Variants in PPP1R12B observed in about 807,000 individuals in gnomAD.
The protein encoded by PPP1R12B is myosin phosphatase target subunit 2.
PPP1R12B carries 76 observed loss-of-function variants against 126.1 expected under a neutral mutation model. The observed-to-expected ratio is 0.60, with a 90% CI of 0.50 to 0.73. PPP1R12B has a LOEUF of 0.73. PPP1R12B is among the 30% of genes least tolerant of loss of function. The pLI, the probability that PPP1R12B is intolerant of heterozygous loss-of-function variation, is 0.00. For synonymous variants in PPP1R12B, 356 were observed against 434.7 expected, an observed-to-expected ratio of 0.82 and a Z score of 2.25; for missense variants, 1,052 against 1,205.1, an observed-to-expected ratio of 0.87 and a Z score of 1.88.
chr1:202,380,121 C>T (rs888546376), intron 1 of PPP1R12B, among the ~76,000 whole-genome samples: 13 of 150,864 alleles, frequency 8.6e-5, no homozygotes, highest in African/African-American at 2.0e-4. Flanking sequence ...TTGTTCATAC[C>T]GTTCTCTTTG....
chr1:202,403,938 C>A (rs374227316), intron 1 of PPP1R12B, among the ~76,000 whole-genome samples: 9 of 152,174 alleles, frequency 5.9e-5, no homozygotes, highest in African/African-American at 2.2e-4. Context: ...CTTCTCAAAT[C>A]CATGTCCTCC....
chr1:202,457,725 A>G (rs1031565220), intron 13 of PPP1R12B, among the ~76,000 whole-genome samples: 45 of 152,170 alleles, frequency 3.0e-4, no homozygotes, highest in African/African-American at 1.1e-3. Context: ...ATTAGATTGA[A>G]TAGGGTGACA....
intron 13 of PPP1R12B, among the ~76,000 whole-genome samples, chr1:202,472,531 A>G (rs914690784): frequency 1.3e-5 from 2 of 152,234 alleles, no homozygotes; most frequent in African/African-American, 4.8e-5. Flanking sequence ...TGACCAGTGA[A>G]CTAACTGTAG....
chr1:202,362,156 A>G (rs1658332531), intron 1 of PPP1R12B, among the ~76,000 whole-genome samples: 2 of 150,972 alleles, frequency 1.3e-5, no homozygotes, highest in Admixed American at 1.3e-4. Context: ...TGGTTGGTCT[A>G]GCGATGAAAT....
intron 13 of PPP1R12B, among the ~76,000 whole-genome samples, chr1:202,449,921 C>T (rs372385377): frequency 2.6e-5 from 4 of 152,064 alleles, no homozygotes; most frequent in Non-Finnish European, 4.4e-5. Context: ...GTCCTGACCT[C>T]GTGATCCGCC....
chr1:202,456,468 T>C (rs1325229280), intron 13 of PPP1R12B, among the ~76,000 whole-genome samples: 1 of 152,078 alleles, frequency 6.6e-6, no homozygotes, highest in Non-Finnish European at 1.5e-5. Flanking sequence ...GCCAGAGTAG[T>C]TTGAGTGACC....
Position 202,449,031 on chromosome 1 carries a change from A to G in PPP1R12B, c.1710A>G (p.Thr570=), listed in dbSNP as rs780606934. 3 of 1,613,928 alleles carry G rather than the reference A, an allele frequency of 1.9e-6. No individual in the cohort carries two copies. Among genetic ancestry groups the G allele is most frequent in the Non-Finnish European group, 2.5e-6 (3 of 1,179,858 alleles). The change falls in exon 13 of 24, where the codon ACA becomes ACG. Residue 570 remains threonine (T), a synonymous_variant. Transcript: ENST00000608999. ...KSQADTTAEK[T]ADNVSSSTPL... is the part of the protein sequence containing the mutation. ...AGGCCGACACAACAGCAGAGAAAACAGCAGACAATGTCTCTTCTAGCACCC... is the reference window on the plus strand; with the variant it reads ...AGGCCGACACAACAGCAGAGAAAACGGCAGACAATGTCTCTTCTAGCACCC...
At chr1:202,379,008 C>T (rs1271495374) in intron 1 of PPP1R12B, among the ~76,000 whole-genome samples, 1 of 152,080 alleles carries the variant, frequency 6.6e-6, no homozygotes, top group South Asian at 2.1e-4. Flanking sequence ...TCTTTGTAAC[C>T]TTACCCACTC....
intron 18 of PPP1R12B, among the ~76,000 whole-genome samples, chr1:202,523,423 G>A (rs1682982679): frequency 6.6e-6 from 1 of 152,210 alleles, no homozygotes; most frequent in Admixed American, 6.5e-5. Flanking sequence ...GAGATTTAAA[G>A]AAGCAGAAGG....
chr1:202,537,111 G>A (rs1684621201), intron 18 of PPP1R12B, among the ~76,000 whole-genome samples: 1 of 152,204 alleles, frequency 6.6e-6, no homozygotes. Context: ...CACCTTGGGA[G>A]GCTGAGACGG....
chr1:202,541,465 A>G (rs1468396683), intron 18 of PPP1R12B, among the ~76,000 whole-genome samples: 2 of 152,204 alleles, frequency 1.3e-5, no homozygotes, highest in East Asian at 1.9e-4. Context: ...TCTTCAACAC[A>G]TAGACTGGTA....
Position 202,580,544 on chromosome 1 carries a change from G to T in PPP1R12B, c.2933G>T (p.Ser978Ile). The T allele has an allele frequency of 6.2e-7, 1 of 1,613,540 alleles. No homozygotes were observed. Among genetic ancestry groups the T allele is most frequent in the Non-Finnish European group, 8.5e-7 (1 of 1,179,446 alleles). ...DENGALIRVI[S>I]KLSK Reference sequence around the variant, plus strand: ...AATGGTGCCCTCATCAGAGTCATCAGCAAACTGTCCAAGTAGGCTAGGCTC... The same window carrying T: ...AATGGTGCCCTCATCAGAGTCATCATCAAACTGTCCAAGTAGGCTAGGCTC... Residue 978 changes from serine to isoleucine, a missense_variant, in exon 24 of 24, where the codon AGC (serine) becomes ATC (isoleucine). Ser to Ile is a moderately radical substitution (Grantham distance 142, BLOSUM62 -2). Transcript: ENST00000608999.
At chr1:202,483,019 G>C (rs61821743) in intron 13 of PPP1R12B, among the ~76,000 whole-genome samples, 4,093 of 152,256 alleles carry the variant, frequency 0.027, 78 homozygotes, top group South Asian at 0.052. Flanking sequence ...CCTAATGTGT[G>C]TTCTTGGCAC....
chr1:202,383,005 C>T (rs1353093424), intron 1 of PPP1R12B, among the ~76,000 whole-genome samples: 4 of 152,044 alleles, frequency 2.6e-5, no homozygotes, highest in Non-Finnish European at 5.9e-5. Context: ...AGACTGGTTT[C>T]ATTATGTAGA....
At chr1:202,425,214 G>A (rs551646161) in intron 3 of PPP1R12B, among the ~76,000 whole-genome samples, 161 of 152,278 alleles carry the variant, frequency 1.1e-3, no homozygotes, top group Middle Eastern at 6.8e-3. Context: ...GGATTGTTGG[G>A]AAACTAAAGT....
chr1:202,436,218 A>ATT (rs1231135996), intron 9 of PPP1R12B, among the ~76,000 whole-genome samples: 60 of 152,160 alleles, frequency 3.9e-4, no homozygotes, highest in African/African-American at 1.3e-3. Context: ...GTGAGCTGTG[A>ATT]TTGCACCATT....
intron 1 of PPP1R12B, among the ~76,000 whole-genome samples, chr1:202,393,318 T>G (rs1322889798): frequency 6.6e-6 from 1 of 152,108 alleles, no homozygotes; most frequent in African/African-American, 2.4e-5. Context: ...TGTTTTAACA[T>G]TAAAAAAAAT....
chr1:202,377,671 G>A (rs1417845080), intron 1 of PPP1R12B, among the ~76,000 whole-genome samples: 3 of 152,038 alleles, frequency 2.0e-5, no homozygotes, highest in Middle Eastern at 3.4e-3. Context: ...GAGGAAGGAG[G>A]GATGAGTTAA....
At chr1:202,355,748 G>C (rs1656957120) in intron 1 of PPP1R12B, among the ~76,000 whole-genome samples, 1 of 152,190 alleles carries the variant, frequency 6.6e-6, no homozygotes, top group Non-Finnish European at 1.5e-5. Context: ...AACCAGCTGA[G>C]TGAATGGAGA....
Sources: allele counts gnomAD v4.1 joint callset (sites outside exome capture counted in the v4.1 genomes callset), GRCh38; gene constraint gnomAD v4.1.1; transcripts MANE v1.5; gene names NCBI Gene and HGNC (gene_info 2026-07-23, HGNC 2026-07-21).